BAZ1B: variants seen among roughly 807,000 people sequenced by gnomAD.
BAZ1B encodes the protein bromodomain adjacent to zinc finger domain 1B, also known as tyrosine-protein kinase BAZ1B.
In BAZ1B, 22 loss-of-function variants were observed where a neutral mutation model predicts 153.8. The ratio of observed to expected loss-of-function variants is 0.14; its 90% CI spans 0.10 to 0.20. BAZ1B has a LOEUF of 0.20. BAZ1B is among the 10% of genes least tolerant of loss of function. The probability of loss-of-function intolerance (pLI) is 1.00; values close to 1 mark genes in which losing one functional copy is unlikely to be tolerated. For missense variants in BAZ1B, 1,325 were observed against 1,799.3 expected (o/e 0.74, Z 4.77); for synonymous variants, 676 against 633.4 (o/e 1.07, Z -1.01).
chr7:73,482,641 C>T (rs1789245247), intron 6 of BAZ1B, among the ~76,000 whole-genome samples: 1 of 152,124 alleles, frequency 6.6e-6, no homozygotes. Context: ...AGAAAAATCA[C>T]TCACATTTTA....
At chr7:73,469,273 C>T (rs559513843) in intron 9 of BAZ1B, among the ~76,000 whole-genome samples, 1 of 152,236 alleles carries the variant, frequency 6.6e-6, no homozygotes, top group Admixed American at 6.5e-5. Context: ...AAAGCTAATA[C>T]CCAAATATCC....
Position 73,510,855 on chromosome 7 carries a change from G to C in BAZ1B, c.108-3C>G. 6.2e-7 allele frequency: 1 copy of C among 1,612,738 alleles called. No homozygotes were observed. On this transcript the variant is annotated splice_polypyrimidine_tract_variant and splice_region_variant and intron_variant, in intron 1 of 19. Coordinates refer to ENST00000339594, the MANE Select transcript of BAZ1B (RefSeq NM_032408.4). ...TTTCCAAGCGGGCTTCATACTCTCT[G>C]TTGGCAGTAGTTCAGGAAAACAATA...
At chr7:73,512,611 C>G (rs1395795908) in intron 1 of BAZ1B, among the ~76,000 whole-genome samples, 1 of 152,170 alleles carries the variant, frequency 6.6e-6, no homozygotes, top group Non-Finnish European at 1.5e-5. Flanking sequence ...ACAAAACCAA[C>G]TGGAATTCAC....
intron 2 of BAZ1B, among the ~76,000 whole-genome samples, chr7:73,510,513 G>A (rs1322405855): frequency 6.6e-6 from 1 of 152,192 alleles, no homozygotes; most frequent in Non-Finnish European, 1.5e-5. Context: ...CAAAGGCCTG[G>A]TAAATACCTA....
chr7:73,511,260 C>T (rs1790566227), intron 1 of BAZ1B, among the ~76,000 whole-genome samples: 1 of 151,122 alleles, frequency 6.6e-6, no homozygotes, highest in African/African-American at 2.4e-5. Context: ...AGTGCGGCTC[C>T]GTCTCAAAAA....
chr7:73,462,805 A>G, intron 12 of BAZ1B, 117 bp downstream of exon 12: 1 of 1,177,510 alleles, frequency 8.5e-7, no homozygotes, highest in Non-Finnish European at 1.2e-6. Flanking sequence ...CTTCCAAGAC[A>G]AATCCAAACA....
intron 15 of BAZ1B, among the ~76,000 whole-genome samples, chr7:73,449,115 G>C (rs182672896): frequency 2.0e-5 from 3 of 152,274 alleles, no homozygotes; most frequent in Admixed American, 6.5e-5. Context: ...GGATGAGGGA[G>C]AGATGTTCAT....
At chr7:73,443,845 G>T in intron 17 of BAZ1B, 139 bp downstream of exon 17, 1 of 1,277,328 alleles carries the variant, frequency 7.8e-7, no homozygotes, top group Non-Finnish European at 1.1e-6. Context: ...TCACCCATCT[G>T]CCTCCCCAGC....
At chr7:73,444,194 TG>T (rs1787739419) in intron 16 of BAZ1B, 65 bp from the exon 17 acceptor site, 7 of 1,483,896 alleles carry the variant, frequency 4.7e-6, no homozygotes, top group African/African-American at 1.4e-5. Flanking sequence ...ATCTTCGAAA[TG>T]GGGGAAAGGG....
intron 3 of BAZ1B, among the ~76,000 whole-genome samples, chr7:73,501,133 G>A (rs1394772793): frequency 6.6e-6 from 1 of 151,980 alleles, no homozygotes; most frequent in African/African-American, 2.4e-5. Context: ...GCGCATGCCT[G>A]TAATCCCAGC....
chr7:73,498,406 C>A, intron 4 of BAZ1B, 91 bp downstream of exon 4: 1 of 1,221,700 alleles, frequency 8.2e-7, no homozygotes, highest in South Asian at 1.3e-5. Context: ...AAAAATCACA[C>A]ATTTAGTTGC....
At chr7:73,488,378 T>C (rs1260033816) in intron 6 of BAZ1B, among the ~76,000 whole-genome samples, 2 of 152,176 alleles carry the variant, frequency 1.3e-5, no homozygotes, top group African/African-American at 4.8e-5. Context: ...ATGAAATATA[T>C]ATATGTACCA....
intron 15 of BAZ1B, among the ~76,000 whole-genome samples, chr7:73,448,252 C>T (rs574766255): frequency 2.6e-5 from 4 of 152,238 alleles, no homozygotes; most frequent in Admixed American, 6.5e-5. Context: ...TACAGTGAGC[C>T]GAGATCGCGC....
intron 1 of BAZ1B, among the ~76,000 whole-genome samples, chr7:73,520,957 A>T (rs1554580091): frequency 6.6e-6 from 1 of 152,232 alleles, no homozygotes; most frequent in African/African-American, 2.4e-5. Flanking sequence ...CACCCATTAA[A>T]AAAAAGCAAA....
chr7:73,507,122 C>T (rs1293501229), intron 3 of BAZ1B: 1 of 152,004 alleles, frequency 6.6e-6, no homozygotes, highest in Non-Finnish European at 1.5e-5. Flanking sequence ...TCGTGATCCA[C>T]CTGCCTCAGC....
Position 73,477,056 on chromosome 7 carries a change from T to G in BAZ1B, c.2405A>C (p.Glu802Ala). The G allele has an allele frequency of 6.2e-7, 1 of 1,614,196 alleles. No individual in the cohort carries two copies. The highest frequency in any genetic ancestry group is 2.2e-5 in the East Asian group (1 of 44,890). Residue 802 changes from glutamate to alanine, a missense_variant, in exon 7 of 20, where the codon GAA (glutamate) becomes GCA (alanine). Coordinates refer to ENST00000339594, the MANE Select transcript of BAZ1B (RefSeq NM_032408.4). The surrounding 1 kb of genome is among the most constrained non-coding windows in gnomAD (Gnocchi z 5.6). The stretch of plus-strand genomic sequence containing the variant: ...TTTTCCATTTTCTTTATTTTTGGCT[T>G]CCATTTCTTTCCGTTTCTGTTTCTC... ...RAEKQKRKEM[E>A]AKNKENGKVE... is the part of the protein sequence containing the mutation.
chr7:73,514,074 C>G (rs1185008551), intron 1 of BAZ1B, among the ~76,000 whole-genome samples: 1 of 152,092 alleles, frequency 6.6e-6, no homozygotes, highest in Admixed American at 6.6e-5. Context: ...TTCAGCATCC[C>G]AAATCCAAAT....
chr7:73,519,157 C>T lies in BAZ1B; in HGVS notation c.107+2670G>A, dbSNP rs545750270. Among the ~76,000 whole-genome samples, 24 of 152,286 alleles carry T rather than the reference C, an allele frequency of 1.6e-4. No homozygotes were observed. In the South Asian group the frequency reaches 4.8e-3, roughly 30 times the overall value. ...AAGTTTAATGAAGATTCACAATATA[C>T]TCCAAGAACATACCAACATACAGCT... is the stretch of plus-strand genomic sequence containing the variant. On this transcript the variant is annotated intron_variant, in intron 1 of 19. Transcript: ENST00000339594.
intron 6 of BAZ1B, 94 bp downstream of exon 6, chr7:73,489,100 G>C (rs1789533308): frequency 1.6e-6 from 2 of 1,286,404 alleles, no homozygotes; most frequent in African/African-American, 3.0e-5. Context: ...TCTGATGTTA[G>C]AGTTCAAAAC....
Sources: allele counts gnomAD v4.1 joint callset (sites outside exome capture counted in the v4.1 genomes callset), GRCh38; gene constraint gnomAD v4.1.1; non-coding constraint Gnocchi (gnomAD v3.1); transcripts MANE v1.5; gene names NCBI Gene and HGNC (gene_info 2026-07-23, HGNC 2026-07-21).